CPNE8: variants seen among roughly 807,000 people sequenced by gnomAD.
CPNE8 encodes copine 8, also known as copine-8.
CPNE8 carries 45 observed loss-of-function variants against 81.5 expected under a neutral mutation model. That is an observed-to-expected ratio of 0.55 (90% CI 0.44 to 0.71). The LOEUF is 0.71. Ranked by LOEUF, CPNE8 falls within the 30% of genes least tolerant of loss-of-function variation. The pLI is 0.00. For synonymous variants in CPNE8, 252 were observed against 226.3 expected (o/e 1.11, Z -1.02); for missense variants, 594 against 672.1 (o/e 0.88, Z 1.28).
At chr12:38,812,578 G>C (rs1043166104) in intron 6 of CPNE8, among the ~76,000 whole-genome samples, 1 of 152,130 alleles carries the variant, frequency 6.6e-6, no homozygotes, top group East Asian at 1.9e-4. Flanking sequence ...ACCTCCCATT[G>C]GGACCCTCCC....
Position 38,677,490 on chromosome 12 carries a change from T to TA in CPNE8, c.1335dup (p.Ile446TyrfsTer8). On this transcript the variant is annotated frameshift_variant, in exon 17 of 20. Coordinates refer to ENST00000331366, the MANE Select transcript of CPNE8 (RefSeq NM_153634.3). LOFTEE classifies it high-confidence loss of function. Reference sequence around the variant, plus strand: ...TCCTTAGTCTGGGCCATATCTGAGATAACACCATCTGTAACAATCAGAAGC... The same window carrying TA: ...TCCTTAGTCTGGGCCATATCTGAGATAAACACCATCTGTAACAATCAGAAGC... The TA allele has an allele frequency of 6.2e-7, 1 of 1,612,426 alleles. No homozygotes were observed. The highest frequency in any genetic ancestry group is 8.5e-7 in the Non-Finnish European group (1 of 1,178,794).
intron 7 of CPNE8, among the ~76,000 whole-genome samples, chr12:38,768,211 T>C (rs560215131): frequency 3.3e-5 from 5 of 151,846 alleles, no homozygotes; most frequent in Non-Finnish European, 7.4e-5. Context: ...GACCACATAG[T>C]TTATAATCTG....
chr12:38,719,352 C>G (rs1054022282), intron 13 of CPNE8, among the ~76,000 whole-genome samples: 3 of 151,976 alleles, frequency 2.0e-5, no homozygotes, highest in African/African-American at 7.2e-5. Context: ...TCCTGTGATT[C>G]CAGCACTTTG....
chr12:38,727,943 T>C (rs923831275), intron 11 of CPNE8, among the ~76,000 whole-genome samples: 3 of 152,008 alleles, frequency 2.0e-5, no homozygotes, highest in Non-Finnish European at 4.4e-5. Flanking sequence ...ATATAAGGAG[T>C]GCCCAAATGT....
chr12:38,809,853 T>G (rs1403735102), intron 6 of CPNE8, among the ~76,000 whole-genome samples: 16 of 152,138 alleles, frequency 1.1e-4, no homozygotes, highest in Admixed American at 9.2e-4. Context: ...AAGAAACAGA[T>G]TATCTGCTTC....
At chr12:38,797,449 G>C (rs928927768) in intron 6 of CPNE8, among the ~76,000 whole-genome samples, 1 of 152,142 alleles carries the variant, frequency 6.6e-6, no homozygotes, top group Non-Finnish European at 1.5e-5. Flanking sequence ...GGTCTGGAGT[G>C]GACCTCCAGC....
intron 15 of CPNE8, among the ~76,000 whole-genome samples, chr12:38,693,223 T>C (rs1434644687): frequency 1.3e-5 from 2 of 152,122 alleles, no homozygotes; most frequent in Non-Finnish European, 2.9e-5. Context: ...TTGAAAAATA[T>C]GGCCCCAGTC....
At chr12:38,831,792 A>G (rs991447284) in intron 5 of CPNE8, among the ~76,000 whole-genome samples, 1 of 152,224 alleles carries the variant, frequency 6.6e-6, no homozygotes, top group African/African-American at 2.4e-5. Context: ...TCTGAAATGT[A>G]TCATTGCTCT....
chr12:38,792,828 T>A (rs974399296), intron 6 of CPNE8, among the ~76,000 whole-genome samples: 7 of 151,606 alleles, frequency 4.6e-5, no homozygotes, highest in Non-Finnish European at 8.9e-5. Context: ...GATGCAAAAA[T>A]CCTCAACAAA....
chr12:38,686,998 T>C (rs1259433797), intron 15 of CPNE8, among the ~76,000 whole-genome samples: 1 of 152,232 alleles, frequency 6.6e-6, no homozygotes, highest in African/African-American at 2.4e-5. Context: ...GGAAGGGGAA[T>C]ATCTAAAATC....
intron 6 of CPNE8, among the ~76,000 whole-genome samples, chr12:38,826,607 A>G (rs897209705): frequency 6.6e-6 from 1 of 152,122 alleles, no homozygotes; most frequent in African/African-American, 2.4e-5. Context: ...GCAAGAATTT[A>G]TTTTTGCTGG....
At chr12:38,749,625 A>C (rs570963345) in intron 10 of CPNE8, among the ~76,000 whole-genome samples, 2 of 152,298 alleles carry the variant, frequency 1.3e-5, no homozygotes, top group South Asian at 4.1e-4. Flanking sequence ...GACTCTTGTT[A>C]TGTTTTAGCA....
At chr12:38,755,914 C>T (rs1175198721) in intron 10 of CPNE8, among the ~76,000 whole-genome samples, 1 of 151,080 alleles carries the variant, frequency 6.6e-6, no homozygotes, top group African/African-American at 2.4e-5. Context: ...GTGGCGGGCG[C>T]CTGTAGTCCC....
chr12:38,844,539 G>T (rs889026344), intron 4 of CPNE8, among the ~76,000 whole-genome samples: 1 of 151,934 alleles, frequency 6.6e-6, no homozygotes, highest in South Asian at 2.1e-4. Context: ...AGATCAAAAA[G>T]GCAAGGGAAT....
At chr12:38,793,368 TAAAC>T (rs1244936955) in intron 6 of CPNE8, among the ~76,000 whole-genome samples, 2 of 151,066 alleles carry the variant, frequency 1.3e-5, no homozygotes, top group Admixed American at 6.6e-5. Context: ...TTAGAACTAA[TAAAC>T]AAATTCAAAT....
chr12:38,740,891 G>A (rs1333452617), intron 10 of CPNE8, among the ~76,000 whole-genome samples: 6 of 152,158 alleles, frequency 3.9e-5, no homozygotes, highest in Non-Finnish European at 7.3e-5. Flanking sequence ...GTATCAGGGT[G>A]AAGCTGGCCT....
chr12:38,905,599 A>G (rs147805295), upstream of CPNE8: 3,278 of 1,531,626 alleles, frequency 2.1e-3, 49 homozygotes, highest in Admixed American at 0.027. Context: ...ACTGAGGGCT[A>G]GCTCCCGTCA....
chr12:38,743,898 T>A (rs1354684691), intron 10 of CPNE8, among the ~76,000 whole-genome samples: 1 of 152,180 alleles, frequency 6.6e-6, no homozygotes, highest in Non-Finnish European at 1.5e-5. Context: ...CAAAGCTGAA[T>A]TTTTATTGGC....
At chr12:38,887,476 A>G (rs773639665) in intron 1 of CPNE8, among the ~76,000 whole-genome samples, 4 of 152,154 alleles carry the variant, frequency 2.6e-5, no homozygotes, top group Non-Finnish European at 5.9e-5. Context: ...ATTGCTGGGT[A>G]AGAAAGTTGG....
Sources: allele counts gnomAD v4.1 joint callset (sites outside exome capture counted in the v4.1 genomes callset), GRCh38; gene constraint gnomAD v4.1.1; transcripts MANE v1.5; gene names NCBI Gene and HGNC (gene_info 2026-07-23, HGNC 2026-07-21).